DST: variants seen among roughly 807,000 people sequenced by gnomAD.
DST encodes bullous pemphigoid antigen.
In DST, 253 loss-of-function variants were observed where a neutral mutation model predicts 875.2. The observed-to-expected ratio is 0.29, with a 90% CI of 0.26 to 0.32. The LOEUF (loss-of-function observed/expected upper bound fraction) is 0.32. DST is among the 10% of genes least tolerant of loss of function. DST has a pLI of 1.00. For missense variants in DST, 8,287 were observed against 9,111.6 expected, an observed-to-expected ratio of 0.91 and a Z score of 3.68; for synonymous variants, 3,124 against 3,197.1, an observed-to-expected ratio of 0.98 and a Z score of 0.77.
intron 9 of DST, among the ~76,000 whole-genome samples, chr6:56,682,475 C>T (rs544909147): frequency 1.3e-5 from 2 of 152,246 alleles, no homozygotes; most frequent in East Asian, 1.9e-4. Flanking sequence ...TTTCTTTTTC[C>T]GTCATTACCT....
In DST at chr6:56,607,073, C is replaced by T; in HGVS notation, c.7555G>A (p.Val2519Ile). ...SLNMISSNPQ[V>I]QYHNDKYISN... ...ATGTATTTATCATTGTGATATTGTA[C>T]TTGAGGATTACTAGAAATCATATTT... is the stretch of plus-strand genomic sequence containing the variant. The change falls in exon 40 of 104, where the codon GTA (valine) becomes ATA (isoleucine). Residue 2519 changes from valine to isoleucine, a missense_variant. By Grantham distance (29) the Val-to-Ile change is conservative. Around this residue, in one of 10 missense-constraint regions of DST, gnomAD observed 3,138 missense variants for 3,116.6 expected, o/e 1.01. Transcript: ENST00000680361. The T allele has an allele frequency of 6.2e-7, 1 of 1,613,146 alleles. No homozygotes were observed. Among genetic ancestry groups the T allele is most frequent in the South Asian group, 1.1e-5 (1 of 91,066 alleles).
chr6:56,698,479 C>G (rs1304954088), intron 9 of DST, among the ~76,000 whole-genome samples: 8 of 152,138 alleles, frequency 5.3e-5, no homozygotes, highest in Admixed American at 5.2e-4. Flanking sequence ...GTGCATGCCA[C>G]CACACCTGGC....
chr6:56,741,775 G>A (rs2099547636), intron 4 of DST, among the ~76,000 whole-genome samples: 3 of 151,956 alleles, frequency 2.0e-5, no homozygotes, highest in African/African-American at 7.3e-5. Flanking sequence ...CAACAAAAAG[G>A]GAAACTCATT....
intron 10 of DST, among the ~76,000 whole-genome samples, chr6:56,653,935 C>T (rs796947362): frequency 6.6e-5 from 10 of 152,260 alleles, no homozygotes; most frequent in African/African-American, 2.2e-4. Context: ...ATAGAAGATA[C>T]TTACTTTCAT....
chr6:56,867,156 T>C (rs1315330643), intron 3 of DST, among the ~76,000 whole-genome samples: 1 of 152,226 alleles, frequency 6.6e-6, no homozygotes, highest in Admixed American at 6.5e-5. Context: ...GGCAGAGCTC[T>C]GTGCCTCCTG....
At chr6:56,702,402 CATAT>C (rs760512511) in intron 7 of DST, among the ~76,000 whole-genome samples, 7 of 150,820 alleles carry the variant, frequency 4.6e-5, no homozygotes, top group Admixed American at 3.3e-4. Context: ...CACACACACA[CATAT>C]ATATATACAT....
chr6:56,640,220 G>T lies in DST; in HGVS notation c.2413C>A (p.Leu805Met). ...TCTTCTTCTGTTAAATTTTGATCCA[G>T]CAAAGAAGACTTTAGAAGGGGTTTT... ...IRKPLLKSSLLDQNLTEEEIN... is the reference protein window; with the variant it reads ...IRKPLLKSSLMDQNLTEEEIN... The change falls in exon 18 of 104, where the codon CTG becomes ATG. Residue 805 changes from leucine (L) to methionine (M), a missense_variant. Coordinates refer to ENST00000680361, the MANE Select transcript of DST (RefSeq NM_001374736.1). 2 of 1,614,146 alleles carry T rather than the reference G, an allele frequency of 1.2e-6. No individual in the cohort carries two copies. Among genetic ancestry groups the T allele is most frequent in the Non-Finnish European group, 1.7e-6 (2 of 1,180,028 alleles).
intron 4 of DST, among the ~76,000 whole-genome samples, chr6:56,774,622 T>C (rs533010484): frequency 7.9e-4 from 121 of 152,306 alleles, no homozygotes; most frequent in African/African-American, 2.8e-3. Flanking sequence ...AAAACTGAAT[T>C]CAGTTCACTT....
chr6:56,579,671 G>A (rs905033854), intron 49 of DST, among the ~76,000 whole-genome samples: 4 of 152,080 alleles, frequency 2.6e-5, no homozygotes, highest in Non-Finnish European at 4.4e-5. Context: ...ACAAACAGAA[G>A]ACACAAAGAT....
intron 87 of DST, 125 bp downstream of exon 87, chr6:56,486,979 G>A (rs2095592259): frequency 1.2e-6 from 1 of 847,204 alleles, no homozygotes; most frequent in Non-Finnish European, 1.8e-6. Flanking sequence ...GGATACTTAG[G>A]ACAAGCAGAA....
intron 2 of DST, among the ~76,000 whole-genome samples, chr6:56,944,975 T>C (rs1818701441): frequency 6.6e-6 from 1 of 152,166 alleles, no homozygotes; most frequent in African/African-American, 2.4e-5. Flanking sequence ...AGACACCATA[T>C]CTGTAACTGT....
chr6:56,596,394 C>T (rs1327833250), intron 47 of DST, among the ~76,000 whole-genome samples: 2 of 152,144 alleles, frequency 1.3e-5, no homozygotes, highest in Non-Finnish European at 2.9e-5. Context: ...TGGGAAATGC[C>T]ACACTGTGCC....
At chr6:56,459,357 T>A in intron 103 of DST, 90 bp from the exon 104 acceptor site, 1 of 1,380,964 alleles carries the variant, frequency 7.2e-7, no homozygotes, top group Non-Finnish European at 9.7e-7. Context: ...TAATCTTAAC[T>A]TTTTTTCCTG....
At position 56,569,382 on chromosome 6, in the gene DST, A is replaced by G. The variant is rs1298263799; in HGVS notation, c.13878+474T>C. Among the ~76,000 whole-genome samples the G allele has an allele frequency of 1.3e-4, 20 of 151,848 alleles. 1 individual carries two copies. The highest frequency in any genetic ancestry group is 1.2e-3 in the Admixed American group (18 of 15,222). ...ATCCACAAATTTGGAATGGGGGAAAAAAAATGCCATATTGGTCAAGGCATA... is the reference window on the plus strand; with the variant it reads ...ATCCACAAATTTGGAATGGGGGAAAGAAAATGCCATATTGGTCAAGGCATA... On this transcript the variant is annotated intron_variant, in intron 54 of 103. Coordinates refer to ENST00000680361, the MANE Select transcript of DST (RefSeq NM_001374736.1).
At chr6:56,736,488 T>G (rs1348219818) in intron 4 of DST, among the ~76,000 whole-genome samples, 1 of 152,174 alleles carries the variant, frequency 6.6e-6, no homozygotes, top group African/African-American at 2.4e-5. Flanking sequence ...TATTTCCTTC[T>G]TCTCTCCTTT....
intron 98 of DST, chr6:56,466,680 CATTTT>C (rs2094589488): frequency 6.6e-6 from 1 of 152,184 alleles, no homozygotes; most frequent in South Asian, 2.1e-4. Context: ...TTTATAAACT[CATTTT>C]CTTTTCTGTA....
intron 78 of DST, among the ~76,000 whole-genome samples, chr6:56,502,042 CAT>C (rs1491237862): frequency 1.3e-5 from 2 of 152,024 alleles, no homozygotes; most frequent in Admixed American, 6.6e-5. Flanking sequence ...GAAAATGAAA[CAT>C]ATGTTGACAC....
chr6:56,548,326 G>A (rs1348827556), intron 61 of DST, among the ~76,000 whole-genome samples: 1 of 152,180 alleles, frequency 6.6e-6, no homozygotes, highest in Non-Finnish European at 1.5e-5. Context: ...ATAGAGGTGG[G>A]GAAGGTACAG....
At chr6:56,691,235 G>A (rs1050965340) in intron 9 of DST, among the ~76,000 whole-genome samples, 4 of 152,148 alleles carry the variant, frequency 2.6e-5, no homozygotes, top group Non-Finnish European at 5.9e-5. Flanking sequence ...TAGTCAAGTA[G>A]TTTTCTTTTG....
Sources: gnomAD v4.1 joint callset for allele counts (sites outside exome capture counted in the v4.1 genomes callset) on GRCh38, gnomAD v4.1.1 for gene constraint, gnomAD v4.1.1 regional missense constraint, MANE v1.5 for transcripts, NCBI Gene and HGNC (gene_info 2026-07-23, HGNC 2026-07-21) for gene names.